MAF: variants seen among roughly 807,000 people sequenced by gnomAD.
MAF encodes the protein transcription factor Maf.
A neutral mutation model predicts 22.0 loss-of-function variants in MAF; 10 were observed. The observed-to-expected ratio is 0.45, with a 90% CI of 0.28 to 0.77. The LOEUF (loss-of-function observed/expected upper bound fraction) is 0.77. Ranked by LOEUF, MAF falls within the 30% of genes least tolerant of loss-of-function variation. MAF has a pLI of 0.12. For synonymous variants in MAF, 337 were observed against 255.8 expected (o/e 1.32, Z -3.03); for missense variants, 544 against 548.4 (o/e 0.99, Z 0.08).
At chr16:79,243,586 CG>C in the MAF span, among the ~76,000 whole-genome samples, 1 of 151,748 alleles carries the variant, frequency 6.6e-6, no homozygotes, top group Non-Finnish European at 1.5e-5. Flanking sequence ...AGCCTACCAA[CG>C]AAAAAAAGTC....
rs1333512421 is a variant in MAF, at chr16:79,599,792, C to T, written c.111G>A (p.Val37=). 2.5e-6 allele frequency: 4 copies of T among 1,613,134 alleles called. No homozygotes were observed. Among genetic ancestry groups the T allele is most frequent in the Non-Finnish European group, 3.4e-6 (4 of 1,179,952 alleles). ...LMKFEVKKEP[V]ETDRIISQCG... Reference sequence around the variant, plus strand: ...ACTGGCTGATGATGCGGTCGGTCTCCACCGGTTCCTTTTTCACTTCAAACT... The same window carrying T: ...ACTGGCTGATGATGCGGTCGGTCTCTACCGGTTCCTTTTTCACTTCAAACT... The change falls in exon 1 of 2, where the codon GTG becomes GTA. Residue 37 remains valine (V), a synonymous_variant. Transcript: ENST00000326043.
At chr16:79,388,381 C>T in the MAF span, among the ~76,000 whole-genome samples, 10 of 152,272 alleles carry the variant, frequency 6.6e-5, no homozygotes, top group African/African-American at 2.4e-4. Flanking sequence ...AGATGGATTT[C>T]GTACCACAGA....
the MAF span, among the ~76,000 whole-genome samples, chr16:79,575,518 T>C: frequency 3.9e-4 from 59 of 152,292 alleles, no homozygotes; most frequent in Non-Finnish European, 6.9e-4. Context: ...TTTCTGAGAA[T>C]TGGAGCTTAG....
At chr16:79,472,636 G>A in the MAF span, among the ~76,000 whole-genome samples, 1 of 152,072 alleles carries the variant, frequency 6.6e-6, no homozygotes, top group Non-Finnish European at 1.5e-5. Context: ...AATGGGGAGT[G>A]ACTGTTCATG....
At chr16:79,425,403 G>A in the MAF span, among the ~76,000 whole-genome samples, 14 of 152,104 alleles carry the variant, frequency 9.2e-5, no homozygotes, top group South Asian at 2.1e-3. Flanking sequence ...GAAAACATCC[G>A]CAGAGATAAA....
chr16:79,310,363 GAGAGAT>G, the MAF span, among the ~76,000 whole-genome samples: 1 of 152,174 alleles, frequency 6.6e-6, no homozygotes, highest in Non-Finnish European at 1.5e-5. Context: ...TCGGACGAGA[GAGAGAT>G]AGAGACAGAG....
At chr16:79,407,132 T>C in the MAF span, among the ~76,000 whole-genome samples, 1 of 152,286 alleles carries the variant, frequency 6.6e-6, no homozygotes, top group East Asian at 1.9e-4. Context: ...ATATGGAACA[T>C]TAAGCTGAGG....
At chr16:79,304,366 C>T in the MAF span, among the ~76,000 whole-genome samples, 243 of 152,270 alleles carry the variant, frequency 1.6e-3, no homozygotes, top group Non-Finnish European at 2.9e-3. Context: ...GATACTGTAT[C>T]GTATTACTGT....
chr16:79,306,206 C>T, the MAF span, among the ~76,000 whole-genome samples: 2 of 152,162 alleles, frequency 1.3e-5, no homozygotes, highest in East Asian at 3.9e-4. Flanking sequence ...TGCAGGACTG[C>T]CCCAAAGCGT....
the MAF span, among the ~76,000 whole-genome samples, chr16:79,530,902 T>A: frequency 6.6e-6 from 1 of 152,188 alleles, no homozygotes; most frequent in Non-Finnish European, 1.5e-5. Context: ...GAAAGGACTC[T>A]TGAGCCAGCC....
At chr16:79,490,226 T>A in the MAF span, among the ~76,000 whole-genome samples, 9 of 152,226 alleles carry the variant, frequency 5.9e-5, no homozygotes, top group Non-Finnish European at 1.2e-4. Context: ...CTGCTGTGCG[T>A]CTTTAAAATA....
the MAF span, among the ~76,000 whole-genome samples, chr16:79,415,292 A>AGGGAAGGAAGGG: frequency 3.0e-5 from 4 of 134,800 alleles, no homozygotes; most frequent in African/African-American, 1.1e-4. Context: ...GGAGGGAGGG[A>AGGGAAGGAAGGG]GGGAAGGAAG....
the MAF span, among the ~76,000 whole-genome samples, chr16:79,507,660 C>T: frequency 0.039 from 5,845 of 150,386 alleles, 362 homozygotes; most frequent in African/African-American, 0.13. Context: ...CTCCTGACCT[C>T]GTGATCCATC....
chr16:79,468,002 G>T, the MAF span, among the ~76,000 whole-genome samples: 1 of 152,076 alleles, frequency 6.6e-6, no homozygotes, highest in African/African-American at 2.4e-5. Context: ...TAACATTATT[G>T]ATTGATCAGA....
the MAF span, among the ~76,000 whole-genome samples, chr16:79,566,358 C>T: frequency 6.6e-6 from 1 of 152,142 alleles, no homozygotes; most frequent in South Asian, 2.1e-4. Flanking sequence ...GTCGGAGGGG[C>T]CTGGGCTGGG....
chr16:79,590,264 G>T (rs113347401), downstream of MAF, among the ~76,000 whole-genome samples: 1 of 152,080 alleles, frequency 6.6e-6, no homozygotes, highest in Admixed American at 6.5e-5. Flanking sequence ...ATGGGAGAGG[G>T]GACAAACTCA....
the MAF span, among the ~76,000 whole-genome samples, chr16:79,243,911 C>T: frequency 6.6e-6 from 1 of 152,032 alleles, no homozygotes; most frequent in Non-Finnish European, 1.5e-5. Context: ...GTTAGTTCAA[C>T]ATATGCAAAT....
the MAF span, among the ~76,000 whole-genome samples, chr16:79,504,215 AG>A: frequency 1.3e-5 from 2 of 152,222 alleles, no homozygotes. Flanking sequence ...AACCATTTTT[AG>A]AAAGAAGGAG....
the MAF span, among the ~76,000 whole-genome samples, chr16:79,297,046 C>T: frequency 6.6e-6 from 1 of 152,180 alleles, no homozygotes; most frequent in African/African-American, 2.4e-5. Flanking sequence ...CTTGTGTCTG[C>T]CTGAGGGCCC....
Sources: allele counts gnomAD v4.1 joint callset (sites outside exome capture counted in the v4.1 genomes callset), GRCh38; gene constraint gnomAD v4.1.1; transcripts MANE v1.5; gene names NCBI Gene and HGNC (gene_info 2026-07-23, HGNC 2026-07-21).